TRPM3: variants seen among roughly 807,000 people sequenced by gnomAD.
TRPM3 encodes long transient receptor potential channel 3.
Under a neutral mutation model 181.2 loss-of-function variants are expected in TRPM3, and 77 were observed. That is an observed-to-expected ratio of 0.42 (90% confidence interval 0.35 to 0.51). The LOEUF (loss-of-function observed/expected upper bound fraction) is 0.51, where lower values mean the gene tolerates loss of function less well. TRPM3 is among the 20% of genes least tolerant of loss of function. The pLI is 0.01. For missense variants in TRPM3, 1,759 were observed against 2,196.7 expected (o/e 0.80, Z 3.98); for synonymous variants, 745 against 796.4 (o/e 0.94, Z 1.09).
intron 6 of TRPM3, chr9:70,824,512 C>G (rs943027602): frequency 1.3e-5 from 2 of 151,980 alleles, no homozygotes; most frequent in African/African-American, 4.8e-5. Context: ...ACTGCAACTT[C>G]CGCCTCCAGG....
At chr9:70,808,706 A>C (rs1327449484) in intron 6 of TRPM3, among the ~76,000 whole-genome samples, 1 of 152,206 alleles carries the variant, frequency 6.6e-6, no homozygotes, top group Non-Finnish European at 1.5e-5. Context: ...TAAAAGGCGG[A>C]GAAAGCTTTA....
chr9:70,602,106 C>CTTTTTTTTTTTTTTTTTTTTTTTTT (rs6151027), intron 20 of TRPM3, among the ~76,000 whole-genome samples: 2 of 128,204 alleles, frequency 1.6e-5, no homozygotes, highest in Non-Finnish European at 3.2e-5. Flanking sequence ...CAAGGCATTC[C>CTTTTTTTTTTTTTTTTTTTTTTTTT]TTTTTTTTTT....
intron 1 of TRPM3, among the ~76,000 whole-genome samples, chr9:71,302,713 T>G (rs1014522960): frequency 6.7e-6 from 1 of 148,546 alleles, no homozygotes; most frequent in Non-Finnish European, 1.5e-5. Flanking sequence ...GGAGGCCCAA[T>G]GAGACAAAGC....
At chr9:70,556,850 T>C (rs1022419935) in intron 22 of TRPM3, among the ~76,000 whole-genome samples, 6 of 152,240 alleles carry the variant, frequency 3.9e-5, no homozygotes, top group Admixed American at 3.9e-4. Flanking sequence ...TGTCAAGTAA[T>C]GTACTGTCAA....
At chr9:70,940,354 T>C (rs953206716) in intron 1 of TRPM3, among the ~76,000 whole-genome samples, 18 of 152,224 alleles carry the variant, frequency 1.2e-4, no homozygotes, top group African/African-American at 3.6e-4. Context: ...TTTTATCTCT[T>C]TATAGTTCTT....
chr9:71,446,511 C>T (rs1406816490), intron 1 of TRPM3: 1 of 830,746 alleles, frequency 1.2e-6, no homozygotes, highest in East Asian at 2.9e-5. Context: ...CAGCCCCCAG[C>T]ACTCTATTTC....
chr9:71,036,662 CT>C (rs2058240670), intron 1 of TRPM3, among the ~76,000 whole-genome samples: 1 of 152,190 alleles, frequency 6.6e-6, no homozygotes, highest in South Asian at 2.1e-4. Flanking sequence ...AGCTTTTGGC[CT>C]TTTGCCCAGA....
chr9:70,842,252 G>A (rs1183754911), intron 5 of TRPM3, among the ~76,000 whole-genome samples: 4 of 152,022 alleles, frequency 2.6e-5, no homozygotes, highest in Admixed American at 6.6e-5. Flanking sequence ...TCTGCTCAGG[G>A]TCAAATGGAT....
At chr9:70,783,876 T>C in intron 7 of TRPM3, 2 of 1,228,952 alleles carry the variant, frequency 1.6e-6, no homozygotes, top group Non-Finnish European at 2.0e-6. Flanking sequence ...TTCCTCACCC[T>C]TTTTATTATC....
intron 1 of TRPM3, among the ~76,000 whole-genome samples, chr9:71,133,801 C>T (rs2074535213): frequency 6.6e-6 from 1 of 152,172 alleles, no homozygotes; most frequent in Non-Finnish European, 1.5e-5. Context: ...ATAGCACACA[C>T]AGCAGATGTT....
Position 70,790,780 on chromosome 9 carries a change from A to AT in TRPM3, c.974-6502dup, listed in dbSNP as rs1026035294. On this transcript the variant is annotated intron_variant, in intron 6 of 25. Coordinates refer to ENST00000677713, the MANE Select transcript of TRPM3 (RefSeq NM_001366145.2). ...GTTGTGCCTGAAAACATTCAAAAGT[A>AT]TTTTTTTTTCTTAGTAAGTTTAAGG... 5.9e-5 allele frequency among the ~76,000 whole-genome samples: 9 copies of AT among 151,664 alleles called. No homozygotes were observed. In the South Asian group the frequency reaches 6.3e-4, roughly 11 times the overall value.
intron 1 of TRPM3, among the ~76,000 whole-genome samples, chr9:71,367,885 T>C (rs2092387043): frequency 6.6e-6 from 1 of 152,206 alleles, no homozygotes; most frequent in African/African-American, 2.4e-5. Flanking sequence ...TTTCTCCTAC[T>C]TCAAATGTCT....
intron 1 of TRPM3, among the ~76,000 whole-genome samples, chr9:71,091,988 C>T (rs1206935385): frequency 1.3e-5 from 2 of 152,106 alleles, no homozygotes; most frequent in African/African-American, 4.8e-5. Flanking sequence ...ATCTGTATCA[C>T]TACATCATCA....
At chr9:70,868,780 C>T (rs1400620865) in intron 1 of TRPM3, among the ~76,000 whole-genome samples, 1 of 152,026 alleles carries the variant, frequency 6.6e-6, no homozygotes. Flanking sequence ...TTTCACAATG[C>T]TTCTCATTGT....
intron 1 of TRPM3, among the ~76,000 whole-genome samples, chr9:71,005,772 A>G (rs1025440061): frequency 1.3e-5 from 2 of 152,228 alleles, no homozygotes; most frequent in Non-Finnish European, 2.9e-5. Flanking sequence ...AAAATGTTAA[A>G]TGGAATTATT....
chr9:71,003,944 C>T (rs562286899), intron 1 of TRPM3, among the ~76,000 whole-genome samples: 2 of 152,184 alleles, frequency 1.3e-5, no homozygotes, highest in Non-Finnish European at 2.9e-5. Context: ...TAACATCACT[C>T]ACACAGAATT....
intron 1 of TRPM3, among the ~76,000 whole-genome samples, chr9:71,355,464 C>G (rs546157867): frequency 3.3e-5 from 5 of 152,240 alleles, no homozygotes; most frequent in African/African-American, 1.2e-4. Context: ...AGGCATGGAA[C>G]AGATACCCAC....
chr9:70,880,930 T>A (rs2132689870), intron 1 of TRPM3, among the ~76,000 whole-genome samples: 1 of 152,274 alleles, frequency 6.6e-6, no homozygotes, highest in South Asian at 2.1e-4. Flanking sequence ...CAACTGTGAC[T>A]GGGACAGATT....
chr9:70,991,251 T>C (rs976586822), intron 1 of TRPM3, among the ~76,000 whole-genome samples: 2 of 152,208 alleles, frequency 1.3e-5, no homozygotes, highest in South Asian at 2.1e-4. Context: ...TAATTTATTA[T>C]TGAAATTTAT....
Sources: gnomAD v4.1 joint callset for allele counts (sites outside exome capture counted in the v4.1 genomes callset) on GRCh38, gnomAD v4.1.1 for gene constraint, MANE v1.5 for transcripts, NCBI Gene and HGNC (gene_info 2026-07-23, HGNC 2026-07-21) for gene names.